Variants in ZSWIM8 observed in about 807,000 individuals in gnomAD.
The protein encoded by ZSWIM8 is zinc finger SWIM domain-containing protein 8.
Under a neutral mutation model 173.7 loss-of-function variants are expected in ZSWIM8, and 27 were observed. The ratio of observed to expected loss-of-function variants is 0.16; its 90% CI spans 0.11 to 0.21. The LOEUF is 0.21. Among genes scored for constraint, ZSWIM8 ranks in the 10% least tolerant of loss-of-function variants. The pLI, the probability that ZSWIM8 is intolerant of heterozygous loss-of-function variation, is 1.00. For synonymous variants in ZSWIM8, 958 were observed against 962.0 expected (o/e 1.00, Z 0.08); for missense variants, 1,627 against 2,428.8 (o/e 0.67, Z 6.94).
At chr10:73,798,597 C>T in intron 20 of ZSWIM8, 144 bp downstream of exon 20, 1 of 741,686 alleles carries the variant, frequency 1.3e-6, no homozygotes, top group African/African-American at 1.8e-5. Flanking sequence ...ACATTTTACC[C>T]ATTAATGTGC....
At chr10:73,796,665 T>C in intron 15 of ZSWIM8, 109 bp from the exon 16 acceptor site, 1 of 1,466,324 alleles carries the variant, frequency 6.8e-7, no homozygotes, top group Non-Finnish European at 9.1e-7. Context: ...GAAGGCTCCC[T>C]GAGGATGTAG....
Position 73,790,237 on chromosome 10 carries a change from G to C in ZSWIM8, c.886G>C (p.Asp296His), listed in dbSNP as rs1420877174. The C allele has an allele frequency of 3.1e-6, 5 of 1,613,644 alleles. No individual in the cohort carries two copies. Among genetic ancestry groups the C allele is most frequent in the Non-Finnish European group, 4.2e-6 (5 of 1,179,720 alleles). Reference sequence around the variant, plus strand: ...GTATCTGGATGAATCGACACTCACTGACAACATCAAAAAGACACTGCACAA... The same window carrying C: ...GTATCTGGATGAATCGACACTCACTCACAACATCAAAAAGACACTGCACAA... ...TWYLDESTLTDNIKKTLHKFC... is the reference protein window; with the variant it reads ...TWYLDESTLTHNIKKTLHKFC... The change falls in exon 7 of 26, where the codon GAC (aspartate) becomes CAC (histidine). Residue 296 changes from aspartate to histidine, a missense_variant. This residue lies in a region of ZSWIM8 where 19 missense variants were observed against 21.1 expected (regional missense o/e 0.90). Transcript: ENST00000604729.
rs186661082 is a variant in ZSWIM8 at position 73,791,895 on chromosome 10, A to G, written c.1356A>G (p.Gln452=). ...TGTGTACGCAGCTGCGGCAGTGGCA[A>G]CTGAAGGTGATTGAGAACGTCAAGC... ...RELCTQLRQW[Q]LKVIENVKRG... is the part of the protein sequence containing the mutation. The change falls in exon 10 of 26, where the codon CAA becomes CAG. Residue 452 remains glutamine (Q), a synonymous_variant. Transcript: ENST00000604729. The surrounding 1 kb of genome is among the most constrained non-coding windows in gnomAD (Gnocchi z 6.0). 2.9e-4 allele frequency: 454 copies of G among 1,545,234 alleles called. 9 individuals are homozygous for G. In the South Asian group the frequency reaches 5.1e-3, roughly 18 times the overall value.
chr10:73,785,991 G>A lies in ZSWIM8; in HGVS notation c.113G>A (p.Cys38Tyr), dbSNP rs1387074280. The A allele has an allele frequency of 6.2e-7, 1 of 1,603,186 alleles. No individual in the cohort carries two copies. Among genetic ancestry groups the A allele is most frequent in the South Asian group, 1.1e-5 (1 of 89,132 alleles). ...TTCATCTCCGAGGCCGAGAGCCTCT[G>A]CCAGAACTGGCGGGGATGGCGCAAA... ...CSFISEAESL[C>Y]QNWRGWRKQS... The change falls in exon 1 of 26, where the codon TGC becomes TAC. Residue 38 changes from cysteine (C) to tyrosine (Y), a missense_variant. Cys to Tyr is a radical substitution (Grantham distance 194, BLOSUM62 -2). Coordinates refer to ENST00000604729, the MANE Select transcript of ZSWIM8 (RefSeq NM_001367799.1).
chr10:73,796,746 T>G, intron 15 of ZSWIM8, 28 bp from the exon 16 acceptor site: 1 of 1,608,906 alleles, frequency 6.2e-7, no homozygotes, highest in Non-Finnish European at 8.5e-7. Context: ...TCACTGCTTC[T>G]CTGGAGGTCA....
Position 73,789,303 on chromosome 10 carries a change from A to G in ZSWIM8, c.458-64A>G, listed in dbSNP as rs2083333378. ...ATGTTGTCTGAATAACTGCAGGGCC[A>G]GGGTCAAGGGCAGAGACCCAGGTCC... On this transcript the variant is annotated intron_variant, in intron 3 of 25. Coordinates refer to ENST00000604729, the MANE Select transcript of ZSWIM8 (RefSeq NM_001367799.1). The surrounding 1 kb of genome is among the most constrained non-coding windows in gnomAD (Gnocchi z 6.8). The G allele has an allele frequency of 1.9e-6, 3 of 1,575,050 alleles. No individual in the cohort carries two copies. The highest frequency in any genetic ancestry group is 2.6e-6 in the Non-Finnish European group (3 of 1,157,900).
Position 73,791,456 on chromosome 10 carries a change from C to T in ZSWIM8, c.1276C>T (p.Leu426=), listed in dbSNP as rs1022363653. ...CASMCDEMVT[L]WRLAVLDPAL... ...CAGCATGTGTGACGAGATGGTCACACTGTGGAGGCTGGCCGTGCTGGACCC... is the reference window on the plus strand; with the variant it reads ...CAGCATGTGTGACGAGATGGTCACATTGTGGAGGCTGGCCGTGCTGGACCC... Residue 426 remains leucine, a synonymous_variant, in exon 9 of 26, where the codon CTG becomes TTG. Coordinates refer to ENST00000604729, the MANE Select transcript of ZSWIM8 (RefSeq NM_001367799.1). The surrounding 1 kb of genome is among the most constrained non-coding windows in gnomAD (Gnocchi z 6.0). 10 of 1,612,670 alleles carry T rather than the reference C, an allele frequency of 6.2e-6. No homozygotes were observed. The highest frequency in any genetic ancestry group is 8.5e-6 in the Non-Finnish European group (10 of 1,179,086).
Position 73,800,023 on chromosome 10 carries a change from G to A in ZSWIM8, c.4678G>A (p.Ala1560Thr). ...TCCCTGCCCCTAGGGTGTGCATCCT[G>A]CATTCCTAGGGGCTCAGTACCCTTA... ...SSAYPQGVHP[A>T]FLGAQYPYSV... The change falls in exon 22 of 26, where the codon GCA (alanine) becomes ACA (threonine). Residue 1560 changes from alanine to threonine, a missense_variant. Coordinates refer to ENST00000604729, the MANE Select transcript of ZSWIM8 (RefSeq NM_001367799.1). The surrounding 1 kb of genome is among the most constrained non-coding windows in gnomAD (Gnocchi z 4.1). The A allele has an allele frequency of 6.2e-7, 1 of 1,613,400 alleles. No homozygotes were observed. Among genetic ancestry groups the A allele is most frequent in the Non-Finnish European group, 8.5e-7 (1 of 1,179,696 alleles).
chr10:73,794,547 C>T lies in ZSWIM8; in HGVS notation c.2816C>T (p.Ser939Phe), dbSNP rs957576091. ...TACCCCAACTTTTATACAGTGGTTT[C>T]TCCCACAGGTTCCCGGCCCCCAAGT... ...IFDVLCAPVV[S>F]PTGSRPPSRN... The change falls in exon 14 of 26, where the codon TCT becomes TTT. Residue 939 changes from serine to phenylalanine, a missense_variant. Physicochemically the swap from Ser to Phe is radical, Grantham distance 155. Coordinates refer to ENST00000604729, the MANE Select transcript of ZSWIM8 (RefSeq NM_001367799.1). The T allele has an allele frequency of 3.2e-6, 5 of 1,562,192 alleles. No homozygotes were observed. In the Admixed American group the frequency reaches 9.7e-5, roughly 30 times the overall value.
chr10:73,799,967 C>T (rs2083858466), intron 21 of ZSWIM8, 44 bp from the exon 22 acceptor site: 1 of 1,594,216 alleles, frequency 6.3e-7, no homozygotes, highest in Admixed American at 1.7e-5. Context: ...CAGCAACATC[C>T]TAATCAAGTT....
chr10:73,790,646 C>T (rs1180667758), intron 7 of ZSWIM8, among the ~76,000 whole-genome samples: 2 of 152,036 alleles, frequency 1.3e-5, no homozygotes, highest in South Asian at 2.1e-4. Flanking sequence ...ATCAGGAGTT[C>T]GAGACCAGCC....
intron 14 of ZSWIM8, 53 bp from the exon 15 acceptor site, chr10:73,795,485 CT>C: frequency 6.2e-7 from 1 of 1,605,006 alleles, no homozygotes; most frequent in Non-Finnish European, 8.5e-7. Context: ...CTTACCTTTG[CT>C]GTCTTGGGAA....
Position 73,797,378 on chromosome 10 carries a change from C to G in ZSWIM8, c.3435C>G (p.Gly1145=). The change falls in exon 18 of 26, where the codon GGC becomes GGG. Residue 1145 remains glycine (G), a splice_region_variant and synonymous_variant. Transcript: ENST00000604729. The surrounding 1 kb of genome is among the most constrained non-coding windows in gnomAD (Gnocchi z 5.6). ...AGACTGACTTCTCTTGGGGGTTAGG[C>G]ATGGCCAGCATTGACAGCAGTGCCC... The part of the protein sequence containing the change: ...SPGRPKKKHT[G]MASIDSSAPE... 6.2e-7 allele frequency: 1 copy of G among 1,613,772 alleles called. No homozygotes were observed. Among genetic ancestry groups the G allele is most frequent in the Non-Finnish European group, 8.5e-7 (1 of 1,179,762 alleles).
chr10:73,785,710 C>A lies in ZSWIM8; in HGVS notation c.-169C>A, dbSNP rs550558319. ...CGCGCTGTTGGGCGAGGCCCGGTCC[C>A]GTCTCTTTCCCAGGCCTGAGATTCT... is the stretch of plus-strand genomic sequence containing the variant. On this transcript the variant is annotated 5_prime_UTR_variant, in exon 1 of 26. Transcript: ENST00000604729. 964 of 725,804 alleles carry A rather than the reference C, an allele frequency of 1.3e-3. 3 individuals carry two copies. Among genetic ancestry groups the A allele is most frequent in the Middle Eastern group, 5.0e-3 (21 of 4,198 alleles). The allele number at this position is 725,804 out of a possible 1,614,324, so 45.0% of individuals were successfully genotyped here. A position where few individuals can be genotyped will look rare whatever the true frequency, so the allele number is the denominator to read the frequency against.
At chr10:73,788,540 C>A in intron 1 of ZSWIM8, 130 bp from the exon 2 acceptor site, 1 of 1,168,512 alleles carries the variant, frequency 8.6e-7, no homozygotes, top group Non-Finnish European at 1.2e-6. Context: ...CTAGGACTTT[C>A]ATCCAGGTCT....
chr10:73,795,290 A>C (rs1281273003), intron 14 of ZSWIM8, among the ~76,000 whole-genome samples: 1 of 152,232 alleles, frequency 6.6e-6, no homozygotes, highest in African/African-American at 2.4e-5. Flanking sequence ...GAGAATGAGG[A>C]GGCCAGCTTC....
chr10:73,796,688 T>G, intron 15 of ZSWIM8, 86 bp from the exon 16 acceptor site: 1 of 1,545,586 alleles, frequency 6.5e-7, no homozygotes, highest in Non-Finnish European at 8.7e-7. Context: ...ATTGGCTGTT[T>G]CAAGGAGAAA....
chr10:73,797,599 T>G lies in ZSWIM8; in HGVS notation c.3656T>G (p.Val1219Gly). The change falls in exon 18 of 26, where the codon GTT (valine) becomes GGT (glycine). Residue 1219 changes from valine (V) to glycine (G), a missense_variant. Val to Gly is a moderately radical substitution (Grantham distance 109). Around this residue, in one of 18 missense-constraint regions of ZSWIM8, gnomAD observed 72 missense variants for 98.4 expected, o/e 0.73. Coordinates refer to ENST00000604729, the MANE Select transcript of ZSWIM8 (RefSeq NM_001367799.1). This position sits in a 1 kb window ranked among gnomAD's most constrained non-coding sequence, Gnocchi z 5.6. The stretch of plus-strand genomic sequence containing the variant: ...GGAGCCCGGGCGAAGACTGTTGAAG[T>G]TGGCAGGTCAGTGGGAAGAACTCCC... ...SGGARAKTVE[V>G]GRYKGRRPES... is the part of the protein sequence containing the mutation. 6.2e-7 allele frequency: 1 copy of G among 1,613,738 alleles called. No homozygotes were observed. Among genetic ancestry groups the G allele is most frequent in the Non-Finnish European group, 8.5e-7 (1 of 1,179,806 alleles).
intron 15 of ZSWIM8, among the ~76,000 whole-genome samples, chr10:73,796,030 T>C (rs1277679676): frequency 6.6e-6 from 1 of 150,548 alleles, no homozygotes; most frequent in Non-Finnish European, 1.5e-5. Context: ...AGAGCACATT[T>C]TACTACCTTT....
Sources: allele counts gnomAD v4.1 joint callset (sites outside exome capture counted in the v4.1 genomes callset), GRCh38; gene constraint gnomAD v4.1.1; regional missense constraint gnomAD v4.1.1; non-coding constraint Gnocchi (gnomAD v3.1); transcripts MANE v1.5; gene names NCBI Gene and HGNC (gene_info 2026-07-23, HGNC 2026-07-21).